CEP85L: variants seen among roughly 807,000 people sequenced by gnomAD.
CEP85L encodes centrosomal protein 85L, also known as centrosomal protein of 85 kDa-like.
A neutral mutation model predicts 100.3 loss-of-function variants in CEP85L; 60 were observed. The observed-to-expected ratio is 0.60, with a 90% CI of 0.49 to 0.74. The LOEUF (loss-of-function observed/expected upper bound fraction) is 0.74, where lower values mean the gene tolerates loss of function less well. Ranked by LOEUF, CEP85L falls within the 30% of genes least tolerant of loss-of-function variation. The probability of loss-of-function intolerance (pLI) is 0.00; values close to 1 mark genes in which losing one functional copy is unlikely to be tolerated. For synonymous variants in CEP85L, 319 were observed against 322.7 expected (o/e 0.99, Z 0.12); for missense variants, 973 against 936.2 (o/e 1.04, Z -0.51).
Position 118,469,220 on chromosome 6 carries a change from G to C in CEP85L, c.2106C>G (p.Ser702=). Residue 702 remains serine (S), a synonymous_variant, in exon 12 of 13, where the codon TCC becomes TCG. Coordinates refer to ENST00000368491, the MANE Select transcript of CEP85L (RefSeq NM_001042475.3). ...PDQSRQQTVL[S]KRPLFDLTVI... ...CAGTCAAATCAAATAGTGGCCGTTTGGAAAGAACTGTCTGCTGCCTAGATT... is the reference window on the plus strand; with the variant it reads ...CAGTCAAATCAAATAGTGGCCGTTTCGAAAGAACTGTCTGCTGCCTAGATT... The C allele has an allele frequency of 1.2e-6, 2 of 1,614,056 alleles. No homozygotes were observed. Among genetic ancestry groups the C allele is most frequent in the Non-Finnish European group, 8.5e-7 (1 of 1,179,944 alleles).
In CEP85L at chr6:118,615,884, A is replaced by G. The variant is rs534072629; in HGVS notation, c.232+16569T>C. 9.9e-5 allele frequency among the ~76,000 whole-genome samples: 15 copies of G among 152,282 alleles called. No homozygotes were observed. In the East Asian group the frequency reaches 2.9e-3, roughly 29 times the overall value. On this transcript the variant is annotated intron_variant, in intron 2 of 12. Transcript: ENST00000368491. ...CTTCGCAGTGATAGAACGACTATAA[A>G]TTTGGGTCTGGTGTCTCCTGGACCC...
At position 118,461,427 on chromosome 6, in the gene CEP85L, A is replaced by C. The variant is rs1438527425; in HGVS notation, c.*3978T>G. The stretch of plus-strand genomic sequence containing the variant: ...CTTGCTTTAAAAAAAAAAATTCCTT[A>C]ATCAAGTTTATATACAGAAGAACAA... On this transcript the variant is annotated 3_prime_UTR_variant, in exon 13 of 13. Coordinates refer to ENST00000368491, the MANE Select transcript of CEP85L (RefSeq NM_001042475.3). 6.6e-6 allele frequency: 1 copy of C among 152,052 alleles called. No individual in the cohort carries two copies. Among genetic ancestry groups the C allele is most frequent in the Admixed American group, 6.6e-5 (1 of 15,250 alleles). The allele number at this position is 152,052 out of a possible 1,614,324, so 9.4% of individuals were successfully genotyped here.
At chr6:118,653,552 G>C (rs1011490599), upstream of CEP85L, among the ~76,000 whole-genome samples, 1 of 152,160 alleles carries the variant, frequency 6.6e-6, no homozygotes, top group Non-Finnish European at 1.5e-5. Flanking sequence ...CATAACACAA[G>C]TTGGAGAACC....
chr6:118,651,964 G>A (rs1018982409), upstream of CEP85L: 13 of 971,680 alleles, frequency 1.3e-5, no homozygotes, highest in Middle Eastern at 5.2e-4. Flanking sequence ...AAAAAGCCAA[G>A]CCAGGGCGCG....
At chr6:118,559,410 C>A in intron 3 of CEP85L, 1 of 348,282 alleles carries the variant, frequency 2.9e-6, no homozygotes, top group South Asian at 2.8e-5. Context: ...GCACTGCCAA[C>A]AAGTTCACTT....
chr6:118,573,308 A>G (rs1488554157), intron 2 of CEP85L, among the ~76,000 whole-genome samples: 1 of 152,234 alleles, frequency 6.6e-6, no homozygotes, highest in African/African-American at 2.4e-5. Context: ...AATAACTGAC[A>G]TCCAAAAATT....
chr6:118,685,178 T>TATAAGA (rs1371419341), intron 1 of CEP85L, among the ~76,000 whole-genome samples: 2 of 152,166 alleles, frequency 1.3e-5, no homozygotes, highest in Admixed American at 6.5e-5. Flanking sequence ...TTTTTAAGAA[T>TATAAGA]ATAAGAATAT....
intron 1 of CEP85L, among the ~76,000 whole-genome samples, chr6:118,676,473 A>G (rs1331369190): frequency 1.3e-5 from 2 of 152,216 alleles, no homozygotes; most frequent in African/African-American, 2.4e-5. Context: ...TTTACTTAGC[A>G]TAATGTCCTC....
intron 2 of CEP85L, among the ~76,000 whole-genome samples, chr6:118,624,685 CA>C (rs907378970): frequency 3.9e-5 from 6 of 152,222 alleles, no homozygotes; most frequent in Non-Finnish European, 8.8e-5. Context: ...AATGGCCATA[CA>C]TATCACCAAG....
At chr6:118,594,191 T>C (rs578014869) in intron 2 of CEP85L, among the ~76,000 whole-genome samples, 2 of 152,370 alleles carry the variant, frequency 1.3e-5, no homozygotes, top group African/African-American at 4.8e-5. Context: ...TCAATTAATA[T>C]TGGCTAAACA....
chr6:118,480,033 C>A, intron 9 of CEP85L, 112 bp from the exon 10 acceptor site: 2 of 655,834 alleles, frequency 3.0e-6, no homozygotes, highest in Non-Finnish European at 5.1e-6. Context: ...TTAAAAGGGT[C>A]TTTTTAAAAA....
chr6:118,479,383 G>A (rs912970884), intron 10 of CEP85L, among the ~76,000 whole-genome samples: 7 of 152,064 alleles, frequency 4.6e-5, no homozygotes, highest in Admixed American at 3.9e-4. Flanking sequence ...CAGACTTTGT[G>A]CTGTTCTTAG....
At chr6:118,705,936 T>G (rs2114381993) in intron 1 of CEP85L, among the ~76,000 whole-genome samples, 1 of 152,372 alleles carries the variant, frequency 6.6e-6, no homozygotes, top group East Asian at 1.9e-4. Context: ...ATGCAATGCC[T>G]GGGAGGCCTT....
chr6:118,530,344 C>T (rs1287013052), intron 3 of CEP85L, among the ~76,000 whole-genome samples: 1 of 144,206 alleles, frequency 6.9e-6, no homozygotes, highest in East Asian at 2.0e-4. Flanking sequence ...ACGAACTAGG[C>T]ATTGAAGGAA....
At chr6:118,550,549 A>C (rs956823337) in intron 3 of CEP85L, among the ~76,000 whole-genome samples, 1 of 151,876 alleles carries the variant, frequency 6.6e-6, no homozygotes, top group African/African-American at 2.4e-5. Flanking sequence ...TCTTAATTAT[A>C]TATTTGATAC....
At chr6:118,470,747 C>G (rs41291938) in intron 10 of CEP85L, 103 bp from the exon 11 acceptor site, 17,347 of 542,992 alleles carry the variant, frequency 0.032, 370 homozygotes, top group Middle Eastern at 0.042. Flanking sequence ...TTTAAATCTT[C>G]TTTCCTCCCC....
At chr6:118,476,190 T>C (rs1347216859) in intron 10 of CEP85L, among the ~76,000 whole-genome samples, 1 of 152,096 alleles carries the variant, frequency 6.6e-6, no homozygotes, top group Non-Finnish European at 1.5e-5. Context: ...TTTTTTGACA[T>C]ATCTTAATTA....
chr6:118,567,685 A>G (rs182122186), intron 2 of CEP85L, among the ~76,000 whole-genome samples: 20 of 152,330 alleles, frequency 1.3e-4, no homozygotes, highest in African/African-American at 4.8e-4. Flanking sequence ...CTCTTATACC[A>G]GAAGATACTT....
At chr6:118,662,146 A>G (rs1423936620) in intron 1 of CEP85L, among the ~76,000 whole-genome samples, 1 of 152,242 alleles carries the variant, frequency 6.6e-6, no homozygotes, top group Non-Finnish European at 1.5e-5. Context: ...CAGAGTAATG[A>G]TAAAAGGTAT....
Sources: gnomAD v4.1 joint callset for allele counts (sites outside exome capture counted in the v4.1 genomes callset) on GRCh38, gnomAD v4.1.1 for gene constraint, MANE v1.5 for transcripts, NCBI Gene and HGNC (gene_info 2026-07-23, HGNC 2026-07-21) for gene names.